The following CDH12 variants were observed in gnomAD, a reference collection of about 807,000 sequenced individuals.
CDH12 encodes the protein cadherin-12.
Under a neutral mutation model 74.1 loss-of-function variants are expected in CDH12, and 41 were observed. The observed-to-expected ratio is 0.55, with a 90% CI of 0.43 to 0.72. CDH12 has a LOEUF of 0.72. CDH12 is among the 30% of genes least tolerant of loss of function. The probability of loss-of-function intolerance (pLI) is 0.00; values close to 1 mark genes in which losing one functional copy is unlikely to be tolerated. For missense variants in CDH12, 945 were observed against 977.2 expected (o/e 0.97, Z 0.44); for synonymous variants, 399 against 355.0 (o/e 1.12, Z -1.39).
chr5:22,673,114 A>C (rs1740991490), intron 1 of CDH12, among the ~76,000 whole-genome samples: 2 of 152,116 alleles, frequency 1.3e-5, no homozygotes, highest in Admixed American at 6.6e-5. Flanking sequence ...TGATACCTCC[A>C]GTCTTTCTGA....
intron 6 of CDH12, among the ~76,000 whole-genome samples, chr5:21,888,536 C>T (rs1229178385): frequency 6.6e-6 from 1 of 152,050 alleles, no homozygotes; most frequent in Non-Finnish European, 1.5e-5. Context: ...TACATGTATA[C>T]ATATGTAACA....
chr5:22,347,783 A>G lies in CDH12; in HGVS notation c.-333+57474T>C, dbSNP rs923257720. Among the ~76,000 whole-genome samples, 27 of 152,234 alleles carry G rather than the reference A, an allele frequency of 1.8e-4. 1 individual carries two copies. Among genetic ancestry groups the G allele is most frequent in the Admixed American group, 1.8e-3 (27 of 15,284 alleles). ...TCCTATTAGTACTAGTTGTAGTGCC[A>G]GTAGTATTACTGATACTAAATCAGA... On this transcript the variant is annotated intron_variant, in intron 3 of 14. Coordinates refer to ENST00000382254, the MANE Select transcript of CDH12 (RefSeq NM_004061.5).
At chr5:22,008,868 C>A (rs901714124) in intron 5 of CDH12, among the ~76,000 whole-genome samples, 78 of 152,268 alleles carry the variant, frequency 5.1e-4, no homozygotes, top group African/African-American at 1.8e-3. Flanking sequence ...GAGAAGAATT[C>A]TGTCAGGAGT....
intron 5 of CDH12, among the ~76,000 whole-genome samples, chr5:21,999,665 G>A (rs1473299046): frequency 6.6e-6 from 1 of 151,784 alleles, no homozygotes; most frequent in Non-Finnish European, 1.5e-5. Flanking sequence ...GTGCGCATCT[G>A]CAATGGGATT....
intron 2 of CDH12, among the ~76,000 whole-genome samples, chr5:22,416,053 T>G (rs991153885): frequency 1.8e-4 from 26 of 147,346 alleles, no homozygotes; most frequent in East Asian, 8.1e-4. Flanking sequence ...GTAATGTACT[T>G]GTAGGTCTTT....
chr5:22,525,058 T>C (rs1737209882), intron 1 of CDH12, among the ~76,000 whole-genome samples: 1 of 150,238 alleles, frequency 6.7e-6, no homozygotes, highest in Non-Finnish European at 1.5e-5. Flanking sequence ...GAACATGCAG[T>C]GTTTGGTTTT....
intron 1 of CDH12, among the ~76,000 whole-genome samples, chr5:22,713,005 T>C (rs1743367243): frequency 6.6e-6 from 1 of 152,106 alleles, no homozygotes; most frequent in African/African-American, 2.4e-5. Flanking sequence ...GCCAGGCATG[T>C]ATACACCAGG....
chr5:22,123,909 C>T (rs564604706), intron 4 of CDH12, among the ~76,000 whole-genome samples: 6 of 151,760 alleles, frequency 4.0e-5, no homozygotes, highest in South Asian at 2.1e-4. Context: ...TACATTATTT[C>T]GTTTCCTTGA....
chr5:21,896,613 C>A (rs776395592), intron 6 of CDH12, among the ~76,000 whole-genome samples: 4 of 152,088 alleles, frequency 2.6e-5, no homozygotes, highest in South Asian at 4.1e-4. Context: ...GATCTACAAC[C>A]TAATCGATGT....
At chr5:22,662,446 G>T (rs1740397587) in intron 1 of CDH12, among the ~76,000 whole-genome samples, 1 of 152,124 alleles carries the variant, frequency 6.6e-6, no homozygotes, top group Non-Finnish European at 1.5e-5. Context: ...ATGCAGTCAA[G>T]GAGTCATACG....
At chr5:22,816,286 G>A (rs764042539) in intron 1 of CDH12, among the ~76,000 whole-genome samples, 14 of 152,196 alleles carry the variant, frequency 9.2e-5, no homozygotes, top group Non-Finnish European at 1.8e-4. Flanking sequence ...TTGAGGCACC[G>A]GAAGTTAATC....
chr5:22,814,510 G>A (rs138483996), intron 1 of CDH12, among the ~76,000 whole-genome samples: 11 of 152,050 alleles, frequency 7.2e-5, no homozygotes, highest in South Asian at 4.2e-4. Context: ...TAAATGCCAC[G>A]CACATGTCCT....
intron 4 of CDH12, among the ~76,000 whole-genome samples, chr5:22,185,189 C>CTA (rs1431885055): frequency 2.5e-5 from 3 of 121,324 alleles, no homozygotes. Flanking sequence ...TCCTCCTTCT[C>CTA]TCTCTCTCTC....
At chr5:22,378,802 C>T (rs1741643914) in intron 3 of CDH12, among the ~76,000 whole-genome samples, 1 of 151,992 alleles carries the variant, frequency 6.6e-6, no homozygotes, top group South Asian at 2.1e-4. Flanking sequence ...TATTGGGTTT[C>T]TACTTCAAGC....
intron 1 of CDH12, among the ~76,000 whole-genome samples, chr5:22,648,646 C>G (rs1488632761): frequency 6.6e-6 from 1 of 151,848 alleles, no homozygotes; most frequent in Non-Finnish European, 1.5e-5. Flanking sequence ...GACACAGGTA[C>G]AGATATATGA....
At chr5:22,312,506 T>G (rs1027061228) in intron 3 of CDH12, among the ~76,000 whole-genome samples, 1 of 152,222 alleles carries the variant, frequency 6.6e-6, no homozygotes, top group Non-Finnish European at 1.5e-5. Flanking sequence ...CTTAATTACT[T>G]ATCAATTTCA....
At chr5:22,031,315 C>CAGGG (rs1554001605) in intron 5 of CDH12, among the ~76,000 whole-genome samples, 2 of 151,552 alleles carry the variant, frequency 1.3e-5, no homozygotes, top group African/African-American at 4.9e-5. Flanking sequence ...GCCTGGGCAA[C>CAGGG]AGAGACTCCA....
At chr5:22,022,078 C>T (rs1738020150) in intron 5 of CDH12, among the ~76,000 whole-genome samples, 1 of 152,182 alleles carries the variant, frequency 6.6e-6, no homozygotes, top group South Asian at 2.1e-4. Flanking sequence ...CTCAAGCAAT[C>T]CTCCCGCCTC....
At chr5:22,202,215 G>C (rs1470979778) in intron 4 of CDH12, among the ~76,000 whole-genome samples, 1 of 99,212 alleles carries the variant, frequency 1.0e-5, no homozygotes, top group African/African-American at 4.0e-5. Flanking sequence ...TCAACATATA[G>C]TTACTACCTC....
Sources: gnomAD v4.1 joint callset for allele counts (sites outside exome capture counted in the v4.1 genomes callset) on GRCh38, gnomAD v4.1.1 for gene constraint, MANE v1.5 for transcripts, NCBI Gene and HGNC (gene_info 2026-07-23, HGNC 2026-07-21) for gene names.